The following SIL1 variants were observed in gnomAD, a reference collection of about 807,000 sequenced individuals.
The protein encoded by SIL1 is SIL1 nucleotide exchange factor.
SIL1 carries 40 observed loss-of-function variants against 49.1 expected under a neutral mutation model. The ratio of observed to expected loss-of-function variants is 0.81; its 90% CI spans 0.63 to 1.06. The LOEUF is 1.06. Ranked by LOEUF, SIL1 falls within the 50% of genes least tolerant of loss-of-function variation. The pLI, the probability that SIL1 is intolerant of heterozygous loss-of-function variation, is 0.00. For synonymous variants in SIL1, 253 were observed against 250.8 expected, an observed-to-expected ratio of 1.01 and a Z score of -0.08; for missense variants, 500 against 572.6, an observed-to-expected ratio of 0.87 and a Z score of 1.29.
At chr5:139,054,664 G>A (rs2038226479) in intron 3 of SIL1, among the ~76,000 whole-genome samples, 2 of 152,178 alleles carry the variant, frequency 1.3e-5, no homozygotes, top group South Asian at 4.1e-4. Context: ...AAGCATGTAA[G>A]TGTATAAGCT....
intron 1 of SIL1, among the ~76,000 whole-genome samples, chr5:139,152,715 C>T (rs926171776): frequency 6.6e-5 from 10 of 152,160 alleles, no homozygotes; most frequent in Admixed American, 3.9e-4. Context: ...CTGCTTGAAA[C>T]CATTCAATGG....
chr5:139,050,915 A>C (rs1200774011), intron 4 of SIL1, 23 bp downstream of exon 4: 1 of 1,587,598 alleles, frequency 6.3e-7, no homozygotes, highest in Non-Finnish European at 8.7e-7. Context: ...TTAGCCTCCC[A>C]GTCCCTAGGG....
At chr5:139,145,654 G>A (rs1410063269) in intron 1 of SIL1, among the ~76,000 whole-genome samples, 11 of 137,138 alleles carry the variant, frequency 8.0e-5, no homozygotes, top group African/African-American at 3.5e-5. Flanking sequence ...GTGTGTGTGT[G>A]TGTGTGTGTG....
At chr5:139,103,413 C>G (rs114000161) in intron 3 of SIL1, among the ~76,000 whole-genome samples, 1 of 152,164 alleles carries the variant, frequency 6.6e-6, no homozygotes, top group African/African-American at 2.4e-5. Flanking sequence ...GCCAGTCAGT[C>G]TGTGGAGAAT....
chr5:139,140,380 A>G (rs966083464), intron 1 of SIL1, among the ~76,000 whole-genome samples: 1 of 152,232 alleles, frequency 6.6e-6, no homozygotes, highest in Non-Finnish European at 1.5e-5. Flanking sequence ...TTACTTACAG[A>G]AACACTTAGC....
intron 7 of SIL1, among the ~76,000 whole-genome samples, chr5:138,959,466 T>C (rs1314562395): frequency 6.6e-6 from 1 of 152,250 alleles, no homozygotes; most frequent in Non-Finnish European, 1.5e-5. Flanking sequence ...AGCTGAAATC[T>C]GCTCTCATGA....
intron 2 of SIL1, among the ~76,000 whole-genome samples, chr5:139,124,047 G>A (rs1750707959): frequency 6.6e-6 from 1 of 152,092 alleles, no homozygotes; most frequent in Admixed American, 6.6e-5. Context: ...ACCACACCCA[G>A]CCTCAATCCT....
At chr5:139,174,630 C>G (rs577550128) in intron 1 of SIL1, among the ~76,000 whole-genome samples, 1 of 151,870 alleles carries the variant, frequency 6.6e-6, no homozygotes, top group East Asian at 1.9e-4. Flanking sequence ...ACAGCAAGAC[C>G]CCATTTCAAA....
chr5:138,978,005 A>G (rs1052489788), intron 7 of SIL1, among the ~76,000 whole-genome samples: 1 of 152,268 alleles, frequency 6.6e-6, no homozygotes, highest in Non-Finnish European at 1.5e-5. Context: ...ACTCATCTAA[A>G]GAACCTTATA....
At chr5:139,089,634 A>G (rs76740514) in intron 3 of SIL1, among the ~76,000 whole-genome samples, 2,680 of 152,382 alleles carry the variant, frequency 0.018, 76 homozygotes, top group African/African-American at 0.061. Flanking sequence ...AAAGGCATGA[A>G]GTATTGATAC....
chr5:139,011,207 G>A (rs2150419880), intron 7 of SIL1, among the ~76,000 whole-genome samples: 1 of 151,358 alleles, frequency 6.6e-6, no homozygotes, highest in South Asian at 2.1e-4. Context: ...CAATATTCGG[G>A]TGGGAGTGAC....
intron 7 of SIL1, among the ~76,000 whole-genome samples, chr5:139,007,736 T>C (rs1305201769): frequency 2.1e-5 from 3 of 142,072 alleles, no homozygotes; most frequent in Non-Finnish European, 3.0e-5. Flanking sequence ...TTTTTGTCTT[T>C]GGCTCTGTTT....
chr5:139,052,941 T>C (rs909279730), intron 3 of SIL1, among the ~76,000 whole-genome samples: 1 of 152,090 alleles, frequency 6.6e-6, no homozygotes, highest in African/African-American at 2.4e-5. Context: ...GGGTTCATAT[T>C]CCTAGGATGG....
intron 3 of SIL1, among the ~76,000 whole-genome samples, chr5:139,085,477 A>C (rs946379919): frequency 5.3e-5 from 8 of 152,192 alleles, no homozygotes; most frequent in African/African-American, 1.9e-4. Flanking sequence ...AAAACTAGGT[A>C]GGGAGCTGTT....
intron 7 of SIL1, among the ~76,000 whole-genome samples, chr5:138,960,249 C>G (rs1766989064): frequency 6.6e-6 from 1 of 152,076 alleles, no homozygotes. Flanking sequence ...CATCTGTTCC[C>G]ACATCTTCAC....
At chr5:139,124,521 T>G (rs1750716932) in intron 2 of SIL1, among the ~76,000 whole-genome samples, 1 of 152,202 alleles carries the variant, frequency 6.6e-6, no homozygotes. Flanking sequence ...TATCTATGCT[T>G]ACCCTGTTTA....
intron 1 of SIL1, among the ~76,000 whole-genome samples, chr5:139,185,356 C>A (rs2151821272): frequency 6.6e-6 from 1 of 152,232 alleles, no homozygotes; most frequent in South Asian, 2.1e-4. Context: ...TTTTGTTAAT[C>A]CTTCTTAAAG....
chr5:139,120,273 CTGGGAAGAAG>C (rs983778899), intron 3 of SIL1, among the ~76,000 whole-genome samples: 10 of 152,194 alleles, frequency 6.6e-5, no homozygotes, highest in African/African-American at 2.4e-4. Context: ...ACAGCTAGGA[CTGGGAAGAAG>C]TGGGAAGAGA....
chr5:139,066,266 T>C (rs913988277), intron 3 of SIL1, among the ~76,000 whole-genome samples: 1 of 152,160 alleles, frequency 6.6e-6, no homozygotes, highest in Non-Finnish European at 1.5e-5. Flanking sequence ...TCGCCCCTCA[T>C]CCACAGCTAC....
Sources: allele counts gnomAD v4.1 joint callset (sites outside exome capture counted in the v4.1 genomes callset), GRCh38; gene constraint gnomAD v4.1.1; transcripts MANE v1.5; gene names NCBI Gene and HGNC (gene_info 2026-07-23, HGNC 2026-07-21).